Variants in PID1 observed in about 807,000 individuals in gnomAD.
PID1 encodes the protein PTB-containing, cubilin and LRP1-interacting protein.
Under a neutral mutation model 19.1 loss-of-function variants are expected in PID1, and 10 were observed. The ratio of observed to expected loss-of-function variants is 0.52; its 90% confidence interval spans 0.32 to 0.89. PID1 has a LOEUF of 0.89. Ranked by LOEUF, PID1 falls within the 40% of genes least tolerant of loss-of-function variation. The pLI, the probability that PID1 is intolerant of heterozygous loss-of-function variation, is 0.03. For missense variants in PID1, 248 were observed against 285.3 expected, an observed-to-expected ratio of 0.87 and a Z score of 0.94; for synonymous variants, 130 against 116.0, an observed-to-expected ratio of 1.12 and a Z score of -0.78.
At chr2:229,259,752 T>C (rs2106290545) in intron 1 of PID1, among the ~76,000 whole-genome samples, 1 of 152,322 alleles carries the variant, frequency 6.6e-6, no homozygotes, top group South Asian at 2.1e-4. Context: ...AGAATCCTAA[T>C]GCCCAAGGTA....
intron 2 of PID1, among the ~76,000 whole-genome samples, chr2:229,114,304 A>G (rs6436840): frequency 0.81 from 123,781 of 151,952 alleles, 50,506 homozygotes; most frequent in East Asian, 1. Context: ...TTTCAGGGAT[A>G]CTTCTGTTCT....
intron 1 of PID1, among the ~76,000 whole-genome samples, chr2:229,252,864 A>G (rs1287970492): frequency 1.3e-5 from 2 of 152,134 alleles, no homozygotes; most frequent in Admixed American, 1.3e-4. Flanking sequence ...CAAAGCATCA[A>G]GTTCCTAGAG....
intron 2 of PID1, among the ~76,000 whole-genome samples, chr2:229,103,161 C>A (rs1695107408): frequency 6.6e-6 from 1 of 152,150 alleles, no homozygotes. Context: ...GTGGGAGAAA[C>A]TTCGGGTGCC....
intron 1 of PID1, among the ~76,000 whole-genome samples, chr2:229,257,595 C>T (rs1034698486): frequency 6.6e-6 from 1 of 152,162 alleles, no homozygotes; most frequent in African/African-American, 2.4e-5. Context: ...TTCATCACCT[C>T]GACAGAGCCC....
At chr2:229,175,910 C>A (rs1396235787) in intron 1 of PID1, among the ~76,000 whole-genome samples, 2 of 152,130 alleles carry the variant, frequency 1.3e-5, no homozygotes, top group South Asian at 4.1e-4. Context: ...GGTTTTTTTA[C>A]AGTCCAAATG....
rs13400380 is a variant in PID1 at position 229,227,478 on chromosome 2, A to C, written c.30+43536T>G. Reference sequence around the variant, plus strand: ...AGTACCAGCTATCACAATTTACTGAAGTTACAGACCTTTCAGGGGTAGCAA... The same window carrying C: ...AGTACCAGCTATCACAATTTACTGACGTTACAGACCTTTCAGGGGTAGCAA... On this transcript the variant is annotated intron_variant, in intron 1 of 2. Coordinates refer to ENST00000392055, the MANE Select transcript of PID1 (RefSeq NM_001100818.2). Among the ~76,000 whole-genome samples the C allele has an allele frequency of 5.9e-3, 896 of 152,286 alleles. 10 individuals carry two copies. Among genetic ancestry groups the C allele is most frequent in the Non-Finnish European group, 6.0e-3 (410 of 68,030 alleles).
chr2:229,225,960 G>A (rs1031948888), intron 1 of PID1, among the ~76,000 whole-genome samples: 1 of 152,184 alleles, frequency 6.6e-6, no homozygotes, highest in Non-Finnish European at 1.5e-5. Flanking sequence ...AGTTCAGGAT[G>A]ACATCTGGTT....
At chr2:229,198,883 A>G (rs1691432944) in intron 1 of PID1, among the ~76,000 whole-genome samples, 1 of 152,088 alleles carries the variant, frequency 6.6e-6, no homozygotes, top group Non-Finnish European at 1.5e-5. Flanking sequence ...CCTCCAAAAC[A>G]ACAGTCAGAG....
At chr2:229,215,194 G>A (rs1407065185) in intron 1 of PID1, among the ~76,000 whole-genome samples, 4 of 152,154 alleles carry the variant, frequency 2.6e-5, no homozygotes, top group African/African-American at 4.8e-5. Flanking sequence ...GGGGAGTGGT[G>A]GGCAGGGGAA....
intron 1 of PID1, among the ~76,000 whole-genome samples, chr2:229,217,973 T>C (rs1210439779): frequency 6.6e-6 from 1 of 152,206 alleles, no homozygotes; most frequent in Non-Finnish European, 1.5e-5. Context: ...TTCAGCCTAA[T>C]GGTCACTTCT....
chr2:229,150,359 C>A (rs1318873540), intron 2 of PID1, among the ~76,000 whole-genome samples: 1 of 152,138 alleles, frequency 6.6e-6, no homozygotes, highest in African/African-American at 2.4e-5. Flanking sequence ...AGAAGCAACC[C>A]CCTGAAGCCA....
At position 229,266,075 on chromosome 2, in the gene PID1, G is replaced by A. The variant is rs115535002; in HGVS notation, c.30+4939C>T. The stretch of plus-strand genomic sequence containing the variant: ...TATTCCTGAGGGAGACTAAGGCCCC[G>A]GATTAATGACAACTCCTAGTTTTCT... On this transcript the variant is annotated intron_variant, in intron 1 of 2. Coordinates refer to ENST00000392055, the MANE Select transcript of PID1 (RefSeq NM_001100818.2). Among the ~76,000 whole-genome samples, 220 of 152,262 alleles carry A rather than the reference G, an allele frequency of 1.4e-3. 1 individual carries two copies. Among genetic ancestry groups the A allele is most frequent in the Non-Finnish European group, 2.5e-3 (167 of 68,022 alleles).
chr2:229,123,689 T>A (rs1003679365), intron 2 of PID1, among the ~76,000 whole-genome samples: 6 of 152,188 alleles, frequency 3.9e-5, no homozygotes, highest in Non-Finnish European at 8.8e-5. Context: ...ACACTTGTTA[T>A]TATCTGTCTT....
intron 1 of PID1, among the ~76,000 whole-genome samples, chr2:229,245,531 T>C (rs1689979441): frequency 6.6e-6 from 1 of 152,132 alleles, no homozygotes; most frequent in African/African-American, 2.4e-5. Context: ...TCTTACAAAT[T>C]CTTAACACTT....
chr2:229,159,573 T>G (rs1408822866), intron 1 of PID1, among the ~76,000 whole-genome samples: 1 of 152,158 alleles, frequency 6.6e-6, no homozygotes, highest in East Asian at 1.9e-4. Flanking sequence ...AGTTTTGGAC[T>G]TTTCTTGCCA....
intron 1 of PID1, among the ~76,000 whole-genome samples, chr2:229,220,496 A>G (rs1212904282): frequency 1.3e-5 from 2 of 152,172 alleles, no homozygotes; most frequent in Non-Finnish European, 2.9e-5. Context: ...CCAGTGAACC[A>G]ATAGGCAATG....
At chr2:229,034,476 G>A (rs1474065213) in intron 2 of PID1, among the ~76,000 whole-genome samples, 1 of 152,166 alleles carries the variant, frequency 6.6e-6, no homozygotes, top group Non-Finnish European at 1.5e-5. Flanking sequence ...GTAGGACCCA[G>A]AAACCTGGCT....
chr2:229,144,079 A>G (rs1690075349), intron 2 of PID1, among the ~76,000 whole-genome samples: 1 of 152,186 alleles, frequency 6.6e-6, no homozygotes. Flanking sequence ...TGCTTAGTAG[A>G]AATTAATTCC....
intron 2 of PID1, among the ~76,000 whole-genome samples, chr2:229,041,553 G>T (rs1475330573): frequency 6.6e-6 from 1 of 152,168 alleles, no homozygotes; most frequent in African/African-American, 2.4e-5. Flanking sequence ...AATAAATGTT[G>T]CAGGCAAGAA....
Sources: gnomAD v4.1 joint callset for allele counts (sites outside exome capture counted in the v4.1 genomes callset) on GRCh38, gnomAD v4.1.1 for gene constraint, MANE v1.5 for transcripts, NCBI Gene and HGNC (gene_info 2026-07-23, HGNC 2026-07-21) for gene names.